DAB1: variants seen among roughly 807,000 people sequenced by gnomAD.
The protein encoded by DAB1 is disabled homolog 1.
A neutral mutation model predicts 64.6 loss-of-function variants in DAB1; 15 were observed. The observed-to-expected ratio is 0.23, with a 90% confidence interval of 0.16 to 0.36. The LOEUF is 0.36. DAB1 is among the 10% of genes least tolerant of loss of function. The pLI, the probability that DAB1 is intolerant of heterozygous loss-of-function variation, is 1.00. For missense variants in DAB1, 596 were observed against 706.7 expected (o/e 0.84, Z 1.78); for synonymous variants, 235 against 251.9 (o/e 0.93, Z 0.64).
intron 7 of DAB1, among the ~76,000 whole-genome samples, chr1:57,626,186 T>G (rs936570423): frequency 1.3e-5 from 2 of 152,170 alleles, no homozygotes; most frequent in Non-Finnish European, 2.9e-5. Context: ...CACTTCTGTA[T>G]GCAGTGTCAA....
At chr1:57,898,379 T>C (rs1644423123) in intron 5 of DAB1, among the ~76,000 whole-genome samples, 3 of 152,174 alleles carry the variant, frequency 2.0e-5, no homozygotes. Context: ...GTTGTGTATA[T>C]CTTAAATTTT....
intron 7 of DAB1, among the ~76,000 whole-genome samples, chr1:57,596,051 T>G (rs1229749428): frequency 6.6e-6 from 1 of 152,248 alleles, no homozygotes; most frequent in African/African-American, 2.4e-5. Flanking sequence ...GTTGTTTTTT[T>G]CTATGCAAGC....
chr1:58,423,128 G>C (rs967269848), intron 3 of DAB1, among the ~76,000 whole-genome samples: 1 of 152,146 alleles, frequency 6.6e-6, no homozygotes, highest in African/African-American at 2.4e-5. Context: ...CTACTAGTCA[G>C]GTCTTCAGCC....
chr1:57,814,731 G>T (rs968367855), intron 6 of DAB1, among the ~76,000 whole-genome samples: 3 of 152,172 alleles, frequency 2.0e-5, no homozygotes, highest in African/African-American at 7.2e-5. Context: ...GTTGGAACCC[G>T]CTCTTATTAG....
At chr1:57,002,538 A>G (rs1402473934) in intron 14 of DAB1, among the ~76,000 whole-genome samples, 2 of 152,258 alleles carry the variant, frequency 1.3e-5, no homozygotes, top group Non-Finnish European at 2.9e-5. Flanking sequence ...GAAGGCAAGA[A>G]GAACAGAGCA....
chr1:58,438,409 A>G (rs1181022517), intron 3 of DAB1, among the ~76,000 whole-genome samples: 2 of 152,224 alleles, frequency 1.3e-5, no homozygotes, highest in Non-Finnish European at 2.9e-5. Flanking sequence ...GAAGTTAGCC[A>G]TATGAAATGG....
chr1:58,360,378 T>C (rs997959829), intron 3 of DAB1, among the ~76,000 whole-genome samples: 2 of 152,144 alleles, frequency 1.3e-5, no homozygotes, highest in Non-Finnish European at 2.9e-5. Flanking sequence ...ATAAAACACA[T>C]TTGTGGATGT....
chr1:57,395,214 C>T (rs497367), intron 1 of DAB1, among the ~76,000 whole-genome samples: 9,755 of 152,058 alleles, frequency 0.064, 981 homozygotes, highest in African/African-American at 0.21. Context: ...TTAGTAGAGA[C>T]GGGGTTTCGC....
At chr1:57,768,944 C>T (rs1418916506) in intron 6 of DAB1, among the ~76,000 whole-genome samples, 1 of 152,102 alleles carries the variant, frequency 6.6e-6, no homozygotes, top group East Asian at 1.9e-4. Context: ...TCTTTGGCCA[C>T]ACCCCCAACC....
intron 3 of DAB1, among the ~76,000 whole-genome samples, chr1:58,502,348 T>C (rs1387027578): frequency 6.6e-6 from 1 of 152,230 alleles, no homozygotes; most frequent in African/African-American, 2.4e-5. Flanking sequence ...GTGGAAAATA[T>C]GCAATACTGT....
chr1:58,038,711 T>C (rs980613242), intron 5 of DAB1, among the ~76,000 whole-genome samples: 9 of 152,086 alleles, frequency 5.9e-5, no homozygotes, highest in Admixed American at 4.6e-4. Flanking sequence ...AAGCCTCACA[T>C]CAGATCTTCA....
intron 4 of DAB1, among the ~76,000 whole-genome samples, chr1:58,313,322 G>A (rs1662472424): frequency 1.3e-5 from 2 of 152,140 alleles, no homozygotes; most frequent in Non-Finnish European, 2.9e-5. Flanking sequence ...GGGGCTCCTT[G>A]ACATCTCTAG....
intron 6 of DAB1, among the ~76,000 whole-genome samples, chr1:57,657,350 A>G (rs1163079193): frequency 6.6e-6 from 1 of 152,238 alleles, no homozygotes; most frequent in African/African-American, 2.4e-5. Context: ...CATACATTCA[A>G]TCATAGCAAA....
chr1:57,809,165 A>G (rs760522554), intron 6 of DAB1, among the ~76,000 whole-genome samples: 54 of 152,218 alleles, frequency 3.5e-4, no homozygotes, highest in Admixed American at 2.3e-3. Flanking sequence ...TGTATCTCCA[A>G]GTAGAAGTTT....
intron 2 of DAB1, among the ~76,000 whole-genome samples, chr1:57,221,882 A>T (rs1328434381): frequency 6.9e-6 from 1 of 145,710 alleles, no homozygotes; most frequent in African/African-American, 2.5e-5. Context: ...GCCAGTAGTT[A>T]AATGTCATTT....
intron 2 of DAB1, among the ~76,000 whole-genome samples, chr1:57,246,258 C>T (rs1309029261): frequency 2.6e-5 from 4 of 151,748 alleles, no homozygotes; most frequent in African/African-American, 4.9e-5. Flanking sequence ...AAGAACCTAC[C>T]ACCCGCTGCC....
intron 5 of DAB1, chr1:58,080,335 A>G (rs1649921354): frequency 6.6e-6 from 1 of 152,224 alleles, no homozygotes; most frequent in South Asian, 2.1e-4. Context: ...AAAGATGTGA[A>G]AACTCTTCCT....
intron 7 of DAB1, among the ~76,000 whole-genome samples, chr1:57,438,006 G>T (rs755765305): frequency 6.6e-6 from 1 of 152,156 alleles, no homozygotes; most frequent in African/African-American, 2.4e-5. Context: ...TAAATTATAA[G>T]GTTGGGCTAG....
intron 7 of DAB1, among the ~76,000 whole-genome samples, chr1:57,533,467 A>C (rs1390317741): frequency 6.6e-6 from 1 of 151,604 alleles, no homozygotes; most frequent in Non-Finnish European, 1.5e-5. Context: ...ATAGTGATAA[A>C]ACAAAGTGAG....
Sources: allele counts gnomAD v4.1 joint callset (sites outside exome capture counted in the v4.1 genomes callset), GRCh38; gene constraint gnomAD v4.1.1; transcripts MANE v1.5; gene names NCBI Gene and HGNC (gene_info 2026-07-23, HGNC 2026-07-21).